The following DNAH8 variants were observed in gnomAD, a reference collection of about 807,000 sequenced individuals.
DNAH8 encodes axonemal beta dynein heavy chain 8.
Under a neutral mutation model 562.1 loss-of-function variants are expected in DNAH8, and 382 were observed. The ratio of observed to expected loss-of-function variants is 0.68; its 90% confidence interval spans 0.63 to 0.74. DNAH8 has a LOEUF of 0.74. Among genes scored for constraint, DNAH8 ranks in the 30% least tolerant of loss-of-function variants. The probability of loss-of-function intolerance (pLI) is 0.00; values close to 1 mark genes in which losing one functional copy is unlikely to be tolerated. For missense variants in DNAH8, 5,203 were observed against 5,620.4 expected (o/e 0.93, Z 2.37); for synonymous variants, 1,881 against 1,919.4 (o/e 0.98, Z 0.52).
In DNAH8 at chr6:38,938,981, C is replaced by A; in HGVS notation, c.12000C>A (p.Leu4000=). 1 of 1,612,468 alleles carries A rather than the reference C, an allele frequency of 6.2e-7. No homozygotes were observed. Among genetic ancestry groups the A allele is most frequent in the South Asian group, 1.1e-5 (1 of 90,802 alleles). The change falls in exon 79 of 93, where the codon CTC becomes CTA. Residue 4000 remains leucine (L), a synonymous_variant. Coordinates refer to ENST00000327475, the MANE Select transcript of DNAH8 (RefSeq NM_001206927.2). Reference sequence around the variant, plus strand: ...TTAAGCACAGAGAGTTTCAAGCTCTCATTAAAGGTAAAGTGTGTGGGATAC... The same window carrying A: ...TTAAGCACAGAGAGTTTCAAGCTCTAATTAAAGGTAAAGTGTGTGGGATAC... ...GTVKHREFQA[L]IKGGAALDLK...
chr6:38,911,072 A>C (rs897762670), intron 65 of DNAH8, among the ~76,000 whole-genome samples: 1 of 152,246 alleles, frequency 6.6e-6, no homozygotes, highest in Admixed American at 6.5e-5. Flanking sequence ...ATGAAAATGG[A>C]TCACAGCACA....
intron 77 of DNAH8, among the ~76,000 whole-genome samples, chr6:38,936,994 C>T (rs1783025681): frequency 6.6e-6 from 1 of 152,106 alleles, no homozygotes; most frequent in African/African-American, 2.4e-5. Context: ...TTGTCATAAA[C>T]ATGCACTATT....
Position 38,974,430 on chromosome 6 carries a change from A to C in DNAH8, c.12735A>C (p.Arg4245Ser), listed in dbSNP as rs760531413. ...PPQGVRAGLK[R>S]TFAGINQDLL... ...AAGGTGTACGCGCAGGTTTGAAAAG[A>C]ACATTTGCTGGAATTAATCAAGACC... Residue 4245 changes from arginine to serine, a missense_variant, in exon 85 of 93, where the codon AGA (arginine) becomes AGC (serine). By Grantham distance (110) the Arg-to-Ser change is moderately radical. This residue lies in a region of DNAH8 where 1,399 missense variants were observed against 1,518.4 expected (regional missense o/e 0.92). Coordinates refer to ENST00000327475, the MANE Select transcript of DNAH8 (RefSeq NM_001206927.2). The C allele has an allele frequency of 1.2e-6, 2 of 1,614,048 alleles. No homozygotes were observed. The highest frequency in any genetic ancestry group is 1.7e-6 in the Non-Finnish European group (2 of 1,179,886).
In DNAH8 at chr6:38,870,563, G is replaced by C; in HGVS notation, c.6990+1G>C. ...ACCCTGGAACCTGAAACTCGTGCAG[G>C]TAAAGACATTTTAATCTATTATTAG... is the stretch of plus-strand genomic sequence containing the variant. On this transcript the variant is annotated splice_donor_variant, in intron 49 of 92. Transcript: ENST00000327475. LOFTEE classifies it high-confidence loss of function. 1 of 1,612,704 alleles carries C rather than the reference G, an allele frequency of 6.2e-7. No individual in the cohort carries two copies. Among genetic ancestry groups the C allele is most frequent in the Non-Finnish European group, 8.5e-7 (1 of 1,179,266 alleles).
chr6:38,756,016 A>G lies in DNAH8; in HGVS notation c.1452A>G (p.Arg484=). 6.2e-7 allele frequency: 1 copy of G among 1,611,578 alleles called. No individual in the cohort carries two copies. Among genetic ancestry groups the G allele is most frequent in the South Asian group, 1.1e-5 (1 of 90,898 alleles). The part of the protein sequence containing the change: ...HGIQNLINAI[R]MIHGVSRYYN... ...TACAAAATTTGATTAATGCCATCAG[A>G]ATGATTCACGGTGTGTCAAGGTATT... is the stretch of plus-strand genomic sequence containing the variant. The change falls in exon 10 of 93, where the codon AGA becomes AGG. Residue 484 remains arginine, a synonymous_variant. Coordinates refer to ENST00000327475, the MANE Select transcript of DNAH8 (RefSeq NM_001206927.2).
At chr6:38,952,898 G>T (rs562502067) in intron 82 of DNAH8, 1 of 152,306 alleles carries the variant, frequency 6.6e-6, no homozygotes, top group Admixed American at 6.5e-5. Context: ...CACACCAGCC[G>T]TCTGAGTTTA....
chr6:38,922,401 A>G (rs1386678318), intron 71 of DNAH8, among the ~76,000 whole-genome samples: 8 of 152,138 alleles, frequency 5.3e-5, no homozygotes, highest in Non-Finnish European at 1.2e-4. Context: ...GGTGCATGGC[A>G]GTACCCCATC....
intron 32 of DNAH8, among the ~76,000 whole-genome samples, chr6:38,835,773 G>T (rs1774230661): frequency 6.6e-6 from 1 of 152,156 alleles, no homozygotes; most frequent in South Asian, 2.1e-4. Context: ...GAGCACCAGT[G>T]GAGGGCCCGG....
chr6:39,001,627 G>T (rs2150752069), intron 88 of DNAH8, among the ~76,000 whole-genome samples: 1 of 152,230 alleles, frequency 6.6e-6, no homozygotes, highest in Non-Finnish European at 1.5e-5. Context: ...GGTAGAGTGT[G>T]GGAAGAAGAA....
intron 82 of DNAH8, 36 bp from the exon 83 acceptor site, chr6:38,971,554 TTG>T (rs1039922637): frequency 7.9e-7 from 1 of 1,272,178 alleles, no homozygotes; most frequent in African/African-American, 1.5e-5. Flanking sequence ...GCTGTAAGAG[TTG>T]TGTTTCATCA....
intron 85 of DNAH8, among the ~76,000 whole-genome samples, chr6:38,980,975 G>A (rs1435600679): frequency 1.3e-5 from 2 of 150,866 alleles, no homozygotes; most frequent in African/African-American, 2.4e-5. Flanking sequence ...ATTCAGGATC[G>A]GAATCATGGA....
At chr6:38,826,816 C>T (rs1773369828) in intron 29 of DNAH8, among the ~76,000 whole-genome samples, 1 of 152,150 alleles carries the variant, frequency 6.6e-6, no homozygotes, top group African/African-American at 2.4e-5. Context: ...AAACAGTTCC[C>T]TCAGGCTCCA....
chr6:38,825,678 A>AGGTCCAG (rs1204854179), intron 28 of DNAH8, among the ~76,000 whole-genome samples: 1 of 152,152 alleles, frequency 6.6e-6, no homozygotes, highest in Non-Finnish European at 1.5e-5. Context: ...ACAACTGGCT[A>AGGTCCAG]GGTCCAGGGT....
intron 43 of DNAH8, among the ~76,000 whole-genome samples, chr6:38,861,103 T>G (rs562445184): frequency 6.6e-6 from 1 of 152,336 alleles, no homozygotes; most frequent in African/African-American, 2.4e-5. Flanking sequence ...TTTTATCCCA[T>G]GACACCCAGT....
At chr6:38,792,017 A>G (rs1769797105) in intron 21 of DNAH8, among the ~76,000 whole-genome samples, 1 of 152,050 alleles carries the variant, frequency 6.6e-6, no homozygotes, top group South Asian at 2.1e-4. Context: ...TCACTCAGAA[A>G]CCTGGGAATC....
chr6:38,822,909 A>T lies in DNAH8; in HGVS notation c.3595A>T (p.Ile1199Phe), dbSNP rs748098363. The change falls in exon 27 of 93, where the codon ATT (isoleucine) becomes TTT (phenylalanine). Residue 1199 changes from isoleucine to phenylalanine, a missense_variant. By Grantham distance (21) the Ile-to-Phe change is conservative. Transcript: ENST00000327475. ...FYPGVAEHKD[I>F]SKLVLLLSSS... ...CCCGGGGGTAGCGGAGCACAAGGAT[A>T]TTTCTAAGTTGGTCCTGCTCCTTTC... 1 of 1,613,076 alleles carries T rather than the reference A, an allele frequency of 6.2e-7. No homozygotes were observed. Among genetic ancestry groups the T allele is most frequent in the Non-Finnish European group, 8.5e-7 (1 of 1,179,732 alleles).
At chr6:38,734,335 C>CCAA (rs70981586) in intron 4 of DNAH8, 139 bp from the exon 5 acceptor site, 58 of 558,732 alleles carry the variant, frequency 1.0e-4, no homozygotes, top group Middle Eastern at 6.1e-4. Flanking sequence ...GACCCCCCCC[C>CCAA]AAAAAAATTA....
chr6:38,923,621 T>TAA (rs1433483882), intron 72 of DNAH8: 34 of 176,804 alleles, frequency 1.9e-4, no homozygotes, highest in Non-Finnish European at 9.3e-5. Context: ...AAAATAAAAA[T>TAA]AAAAATAAAA....
chr6:38,752,875 A>G (rs1457186896), intron 9 of DNAH8, among the ~76,000 whole-genome samples: 3 of 152,142 alleles, frequency 2.0e-5, no homozygotes, highest in African/African-American at 7.2e-5. Context: ...GTCCATAAAG[A>G]GATTGTCGAT....
Sources: allele counts gnomAD v4.1 joint callset (sites outside exome capture counted in the v4.1 genomes callset), GRCh38; gene constraint gnomAD v4.1.1; regional missense constraint gnomAD v4.1.1; transcripts MANE v1.5; gene names NCBI Gene and HGNC (gene_info 2026-07-23, HGNC 2026-07-21).